Variants in CNTN4 observed in about 807,000 individuals in gnomAD.
CNTN4 encodes the protein contactin-4.
A neutral mutation model predicts 122.5 loss-of-function variants in CNTN4; 77 were observed. That is an observed-to-expected ratio of 0.63 (90% CI 0.52 to 0.76). The LOEUF (loss-of-function observed/expected upper bound fraction) is 0.76, where lower values mean the gene tolerates loss of function less well. Among genes scored for constraint, CNTN4 ranks in the 30% least tolerant of loss-of-function variants. CNTN4 has a pLI of 0.00. For synonymous variants in CNTN4, 512 were observed against 447.0 expected (o/e 1.15, Z -1.83); for missense variants, 1,256 against 1,259.1 (o/e 1.00, Z 0.04).
chr3:3,053,802 G>A lies in CNTN4; in HGVS notation c.2812-5G>A. On this transcript the variant is annotated splice_region_variant and splice_polypyrimidine_tract_variant and intron_variant, in intron 23 of 24. Coordinates refer to ENST00000418658, the MANE Select transcript of CNTN4 (RefSeq NM_175607.3). ...AGGTGACACCTGTTCTTTCTGTATT[G>A]GCAGGTCTTGTACAGATGGAACAGA... The A allele has an allele frequency of 6.2e-7, 1 of 1,613,888 alleles. No individual in the cohort carries two copies. The highest frequency in any genetic ancestry group is 1.6e-4 in the Middle Eastern group (1 of 6,062).
chr3:2,623,040 A>G (rs7624471), intron 4 of CNTN4, among the ~76,000 whole-genome samples: 3,412 of 152,344 alleles, frequency 0.022, 103 homozygotes, highest in African/African-American at 0.076. Flanking sequence ...GTGACATCAG[A>G]AATCCATGCT....
At chr3:2,685,202 A>T (rs2150528879) in intron 4 of CNTN4, among the ~76,000 whole-genome samples, 1 of 152,282 alleles carries the variant, frequency 6.6e-6, no homozygotes, top group South Asian at 2.1e-4. Flanking sequence ...AATGGGAATA[A>T]AAAGGCAAGG....
intron 3 of CNTN4, among the ~76,000 whole-genome samples, chr3:2,558,004 T>G (rs34928854): frequency 1.3e-5 from 2 of 152,124 alleles, no homozygotes; most frequent in Non-Finnish European, 2.9e-5. Flanking sequence ...TCTGCAATGG[T>G]ATACTGTATG....
chr3:2,100,462 A>G (rs983678149), intron 1 of CNTN4, 96 bp from the exon 2 acceptor site: 2 of 152,178 alleles, frequency 1.3e-5, no homozygotes, highest in Non-Finnish European at 2.9e-5. Context: ...AGGAGCGTAA[A>G]GACTGTATAG....
At chr3:2,951,336 C>T (rs2094741673) in intron 13 of CNTN4, among the ~76,000 whole-genome samples, 1 of 152,256 alleles carries the variant, frequency 6.6e-6, no homozygotes, top group Non-Finnish European at 1.5e-5. Flanking sequence ...GGGCATGCAA[C>T]CTCTAGATCC....
chr3:2,626,676 T>C (rs1559320324), intron 4 of CNTN4, among the ~76,000 whole-genome samples: 1 of 152,128 alleles, frequency 6.6e-6, no homozygotes, highest in African/African-American at 2.4e-5. Flanking sequence ...AGCTACACTG[T>C]GGGTAGAAAA....
In CNTN4 at chr3:2,668,968, T is replaced by C. The variant is rs140414960; in HGVS notation, c.56-67247T>C. ...ACTTGATCATGGTGGATAAGCTTTTTGATGTGCTGCTGGATTCGGTTTGCC... is the reference window on the plus strand; with the variant it reads ...ACTTGATCATGGTGGATAAGCTTTTCGATGTGCTGCTGGATTCGGTTTGCC... On this transcript the variant is annotated intron_variant, in intron 4 of 24. Coordinates refer to ENST00000418658, the MANE Select transcript of CNTN4 (RefSeq NM_175607.3). Among the ~76,000 whole-genome samples, 1,423 of 152,312 alleles carry C rather than the reference T, an allele frequency of 9.3e-3. 26 individuals are homozygous for C. Among genetic ancestry groups the C allele is most frequent in the African/African-American group, 0.032 (1,347 of 41,558 alleles).
chr3:2,740,963 A>G (rs1276603337), intron 5 of CNTN4, among the ~76,000 whole-genome samples: 2 of 152,230 alleles, frequency 1.3e-5, no homozygotes. Context: ...TCCAGGGCAC[A>G]TGGAATTGGC....
intron 10 of CNTN4, among the ~76,000 whole-genome samples, chr3:2,899,968 C>A (rs78309936): frequency 0.016 from 2,437 of 152,246 alleles, 60 homozygotes; most frequent in African/African-American, 0.056. Context: ...GCTATTCTCA[C>A]AAAGGAGGCC....
At chr3:2,301,303 C>T (rs1439606791) in intron 2 of CNTN4, among the ~76,000 whole-genome samples, 1 of 152,204 alleles carries the variant, frequency 6.6e-6, no homozygotes, top group African/African-American at 2.4e-5. Context: ...TATATTTCTT[C>T]ATGAATAATC....
At chr3:2,978,714 G>C (rs932995104) in intron 13 of CNTN4, among the ~76,000 whole-genome samples, 2 of 152,144 alleles carry the variant, frequency 1.3e-5, no homozygotes, top group Non-Finnish European at 2.9e-5. Context: ...TGAGACCTTT[G>C]GTTGGGGGAT....
chr3:2,407,201 G>C (rs931652918), intron 3 of CNTN4, among the ~76,000 whole-genome samples: 1 of 152,020 alleles, frequency 6.6e-6, no homozygotes, highest in East Asian at 1.9e-4. Context: ...AAGATTACAG[G>C]CATATTTGCA....
chr3:2,110,845 C>T (rs1463197345), intron 2 of CNTN4, among the ~76,000 whole-genome samples: 4 of 152,048 alleles, frequency 2.6e-5, no homozygotes, highest in African/African-American at 7.2e-5. Flanking sequence ...TAAGATATCA[C>T]TATACCATAG....
At chr3:2,384,681 T>C (rs575027456) in intron 3 of CNTN4, among the ~76,000 whole-genome samples, 8 of 152,202 alleles carry the variant, frequency 5.3e-5, no homozygotes, top group Non-Finnish European at 1.0e-4. Flanking sequence ...ACATCTCCCA[T>C]GCTCTTAGCC....
intron 6 of CNTN4, among the ~76,000 whole-genome samples, chr3:2,755,756 G>A (rs948567349): frequency 3.3e-5 from 5 of 152,118 alleles, no homozygotes; most frequent in African/African-American, 1.2e-4. Context: ...AATTCAAGAA[G>A]GTTCTGAGAG....
intron 13 of CNTN4, among the ~76,000 whole-genome samples, chr3:2,948,635 T>C (rs1303011788): frequency 6.6e-6 from 1 of 152,216 alleles, no homozygotes; most frequent in Non-Finnish European, 1.5e-5. Context: ...TGTTTATTTC[T>C]GGCAGGTTTG....
chr3:2,785,685 G>A (rs1406923289), intron 6 of CNTN4, among the ~76,000 whole-genome samples: 2 of 152,144 alleles, frequency 1.3e-5, no homozygotes, highest in Non-Finnish European at 2.9e-5. Context: ...CCCCTCAGAT[G>A]GCAGGATTAC....
intron 6 of CNTN4, among the ~76,000 whole-genome samples, chr3:2,777,223 G>A (rs1227400742): frequency 6.6e-6 from 1 of 152,128 alleles, no homozygotes; most frequent in Non-Finnish European, 1.5e-5. Context: ...ACAGAAATTA[G>A]TATAACCCAT....
intron 6 of CNTN4, among the ~76,000 whole-genome samples, chr3:2,755,328 T>C (rs537133749): frequency 1.6e-4 from 24 of 152,306 alleles, no homozygotes; most frequent in Admixed American, 2.6e-4. Flanking sequence ...ACTATTTAGA[T>C]GAATAATCTG....
Sources: gnomAD v4.1 joint callset for allele counts (sites outside exome capture counted in the v4.1 genomes callset) on GRCh38, gnomAD v4.1.1 for gene constraint, MANE v1.5 for transcripts, NCBI Gene and HGNC (gene_info 2026-07-23, HGNC 2026-07-21) for gene names.